The following BAIAP2 variants were observed in gnomAD, a reference collection of about 807,000 sequenced individuals.
BAIAP2 encodes the protein BAR/IMD domain-containing adapter protein 2.
In BAIAP2, 18 loss-of-function variants were observed where a neutral mutation model predicts 63.0. The ratio of observed to expected loss-of-function variants is 0.29; its 90% CI spans 0.20 to 0.42. The LOEUF is 0.42. Among genes scored for constraint, BAIAP2 ranks in the 10% least tolerant of loss-of-function variants. BAIAP2 has a pLI of 1.00. For missense variants in BAIAP2, 610 were observed against 734.3 expected, an observed-to-expected ratio of 0.83 and a Z score of 1.96; for synonymous variants, 386 against 307.6, an observed-to-expected ratio of 1.25 and a Z score of -2.67.
chr17:81,036,805 A>AGG, intron 1 of BAIAP2: 7 of 1,393,694 alleles, frequency 5.0e-6, no homozygotes, highest in Non-Finnish European at 6.9e-6. Flanking sequence ...TTGTCAAGGG[A>AGG]GGGAGGTTTA....
At chr17:81,038,713 G>A (rs994537175) in intron 1 of BAIAP2, among the ~76,000 whole-genome samples, 6 of 152,256 alleles carry the variant, frequency 3.9e-5, no homozygotes, top group South Asian at 2.1e-4. Flanking sequence ...GTGGCAGGGA[G>A]CACACTGCCG....
At chr17:81,052,990 G>T (rs549521773) in intron 1 of BAIAP2, among the ~76,000 whole-genome samples, 2 of 152,246 alleles carry the variant, frequency 1.3e-5, no homozygotes, top group Admixed American at 1.3e-4. Flanking sequence ...ATGTTATGCC[G>T]GTAGAATTCT....
At chr17:81,065,287 AGCAGTGCTGTGCCCGTCCCG>A (rs773035440) in intron 3 of BAIAP2, among the ~76,000 whole-genome samples, 57 of 152,314 alleles carry the variant, frequency 3.7e-4, no homozygotes, top group Middle Eastern at 3.4e-3. Context: ...TGGTCACAGA[AGCAGTGCTGTGCCCGTCCCG>A]GCCCCCTGCA....
chr17:81,103,015 C>G (rs1490619623), intron 7 of BAIAP2, among the ~76,000 whole-genome samples: 1 of 152,342 alleles, frequency 6.6e-6, no homozygotes, highest in Non-Finnish European at 1.5e-5. Context: ...CCCGAGGGAG[C>G]GCGGGCTCTT....
intron 1 of BAIAP2, among the ~76,000 whole-genome samples, chr17:81,052,177 G>A (rs2048776768): frequency 6.6e-6 from 1 of 152,212 alleles, no homozygotes; most frequent in African/African-American, 2.4e-5. Flanking sequence ...CTGCCTCGGG[G>A]CCTTTGCCCT....
At chr17:81,058,497 C>T (rs912874148) in intron 3 of BAIAP2, among the ~76,000 whole-genome samples, 1 of 152,212 alleles carries the variant, frequency 6.6e-6, no homozygotes, top group Non-Finnish European at 1.5e-5. Context: ...AATTCAGGGC[C>T]CACGTGGTGG....
At chr17:81,108,864 A>C in intron 13 of BAIAP2, 1 of 1,469,830 alleles carries the variant, frequency 6.8e-7, no homozygotes, top group African/African-American at 1.4e-5. Flanking sequence ...TCAGGAGGCC[A>C]ACGGGAGCTG....
chr17:81,063,319 G>C (rs766023084), intron 3 of BAIAP2, among the ~76,000 whole-genome samples: 5 of 152,214 alleles, frequency 3.3e-5, no homozygotes, highest in Non-Finnish European at 7.4e-5. Flanking sequence ...CTTTCTCACT[G>C]TGTCTTAGGG....
chr17:81,074,217 C>T (rs1343212889), intron 3 of BAIAP2, among the ~76,000 whole-genome samples: 1 of 152,218 alleles, frequency 6.6e-6, no homozygotes, highest in African/African-American at 2.4e-5. Context: ...GGGGCAGGGG[C>T]AGCATCACAT....
At chr17:81,099,593 A>G (rs1376671964) in intron 6 of BAIAP2, among the ~76,000 whole-genome samples, 1 of 152,110 alleles carries the variant, frequency 6.6e-6, no homozygotes, top group African/African-American at 2.4e-5. Context: ...AGGGAGGTGC[A>G]CGCGACCCCA....
chr17:81,061,593 G>A (rs922280116), intron 3 of BAIAP2, among the ~76,000 whole-genome samples: 2 of 152,154 alleles, frequency 1.3e-5, no homozygotes, highest in Admixed American at 6.5e-5. Flanking sequence ...CCTGCTGCGC[G>A]CGTCAGGAAT....
Position 81,109,191 on chromosome 17 carries a change from C to G in BAIAP2, c.1535+682C>G, listed in dbSNP as rs540620160. The G allele has an allele frequency of 5.2e-3, 7,293 of 1,407,198 alleles. 47 individuals carry two copies. The highest frequency in any genetic ancestry group is 5.2e-3 in the Non-Finnish European group (5,677 of 1,084,774). 87.2% of individuals were successfully genotyped at this position (1,407,198 alleles called of 1,614,324 possible). On this transcript the variant is annotated intron_variant, in intron 13 of 13. Coordinates refer to ENST00000428708, the MANE Select transcript of BAIAP2 (RefSeq NM_001144888.2). ...CCATGGTGCTGCTCCATCCGCCCCC[C>G]CTCCCCTGTGTTTACGCGCCCCATC...
chr17:81,068,764 C>T (rs1235031292), intron 3 of BAIAP2, among the ~76,000 whole-genome samples: 8 of 152,160 alleles, frequency 5.3e-5, no homozygotes, highest in African/African-American at 9.7e-5. Context: ...GGGGGGACTC[C>T]GGTCCCAGGG....
chr17:81,038,788 C>T (rs533391504), intron 1 of BAIAP2, among the ~76,000 whole-genome samples: 1 of 152,334 alleles, frequency 6.6e-6, no homozygotes, highest in African/African-American at 2.4e-5. Context: ...CCAGCTTCTT[C>T]CTGGGGTGTG....
intron 13 of BAIAP2, among the ~76,000 whole-genome samples, chr17:81,111,939 C>T (rs2059973582): frequency 6.6e-6 from 1 of 152,254 alleles, no homozygotes; most frequent in South Asian, 2.1e-4. Context: ...GGCATCCTGG[C>T]CCACGGGCAG....
chr17:81,073,593 G>A (rs191039731), intron 3 of BAIAP2, among the ~76,000 whole-genome samples: 51 of 152,288 alleles, frequency 3.3e-4, no homozygotes, highest in African/African-American at 1.2e-3. Context: ...CGCAGATGAG[G>A]ACGACGATCT....
intron 13 of BAIAP2, among the ~76,000 whole-genome samples, chr17:81,113,468 A>T (rs1190200349): frequency 6.6e-6 from 1 of 152,234 alleles, no homozygotes; most frequent in African/African-American, 2.4e-5. Flanking sequence ...CACTCAGCAC[A>T]GCGAGCTCCC....
chr17:81,043,692 C>T (rs56068957), intron 1 of BAIAP2, among the ~76,000 whole-genome samples: 2 of 152,118 alleles, frequency 1.3e-5, no homozygotes, highest in East Asian at 3.9e-4. Context: ...GTTACTGTTG[C>T]TTCGTGTGCG....
rs1347162789 is a variant in BAIAP2 at position 81,116,422 on chromosome 17, A to G, written c.*583A>G. On this transcript the variant is annotated 3_prime_UTR_variant, in exon 14 of 14. Transcript: ENST00000428708. Reference sequence around the variant, plus strand: ...CCTGGGCCCCTCACTCCCACTGGCAATGTCACAAGGGCCTCCCCAGGCCCC... The same window carrying G: ...CCTGGGCCCCTCACTCCCACTGGCAGTGTCACAAGGGCCTCCCCAGGCCCC... The G allele has an allele frequency of 5.8e-6, 8 of 1,372,472 alleles. No individual in the cohort carries two copies. The highest frequency in any genetic ancestry group is 8.0e-6 in the Non-Finnish European group (8 of 1,003,958). The allele number at this position is 1,372,472 out of a possible 1,614,324, so 85.0% of individuals were successfully genotyped here.
Sources: allele counts gnomAD v4.1 joint callset (sites outside exome capture counted in the v4.1 genomes callset), GRCh38; gene constraint gnomAD v4.1.1; transcripts MANE v1.5; gene names NCBI Gene and HGNC (gene_info 2026-07-23, HGNC 2026-07-21).